The following IQGAP1 variants were observed in gnomAD, a reference collection of about 807,000 sequenced individuals.
IQGAP1 encodes ras GTPase-activating-like protein IQGAP1.
A neutral mutation model predicts 215.6 loss-of-function variants in IQGAP1; 66 were observed. That is an observed-to-expected ratio of 0.31 (90% CI 0.25 to 0.38). The LOEUF (loss-of-function observed/expected upper bound fraction) is 0.38. IQGAP1 is among the 10% of genes least tolerant of loss of function. The probability of loss-of-function intolerance (pLI) is 1.00; values close to 1 mark genes in which losing one functional copy is unlikely to be tolerated. For synonymous variants in IQGAP1, 772 were observed against 728.7 expected, an observed-to-expected ratio of 1.06 and a Z score of -0.96; for missense variants, 1,712 against 1,997.1, an observed-to-expected ratio of 0.86 and a Z score of 2.72.
At chr15:90,499,958 A>T in intron 37 of IQGAP1, 37 bp from the exon 38 acceptor site, 1 of 1,097,404 alleles carries the variant, frequency 9.1e-7, no homozygotes, top group Non-Finnish European at 1.3e-6. Flanking sequence ...TTAACTGTCA[A>T]AATGTTTTGT....
intron 2 of IQGAP1, among the ~76,000 whole-genome samples, chr15:90,414,484 T>C (rs1965015789): frequency 6.6e-6 from 1 of 152,148 alleles, no homozygotes; most frequent in Admixed American, 6.5e-5. Context: ...ACCTTGCTTG[T>C]GTGCCACATT....
intron 23 of IQGAP1, 110 bp downstream of exon 23, chr15:90,474,803 A>G (rs964027204): frequency 1.5e-5 from 12 of 786,364 alleles, no homozygotes; most frequent in Middle Eastern, 7.5e-4. Flanking sequence ...CTCCTCAGCT[A>G]CTGCCATAAG....
chr15:90,392,627 C>G (rs993832117), intron 2 of IQGAP1, among the ~76,000 whole-genome samples: 8 of 152,120 alleles, frequency 5.3e-5, no homozygotes, highest in African/African-American at 9.7e-5. Flanking sequence ...CTCCCCTCCC[C>G]CAAACACTAC....
chr15:90,487,679 G>A (rs1966146184), intron 33 of IQGAP1, 97 bp downstream of exon 33: 1 of 810,400 alleles, frequency 1.2e-6, no homozygotes, highest in Non-Finnish European at 2.0e-6. Context: ...ATAACAGTTG[G>A]TAGCCTAGGG....
intron 14 of IQGAP1, 51 bp from the exon 15 acceptor site, chr15:90,456,101 T>G (rs1301339435): frequency 6.7e-7 from 1 of 1,501,410 alleles, no homozygotes; most frequent in African/African-American, 1.4e-5. Flanking sequence ...TTGATTTGTT[T>G]ATGTACTTCC....
Position 90,486,095 on chromosome 15 carries a change from C to G in IQGAP1, c.3987C>G (p.Asp1329Glu). Residue 1329 changes from aspartate to glutamate, a missense_variant, in exon 31 of 38, where the codon GAC becomes GAG. By Grantham distance (45) the Asp-to-Glu change is conservative. This residue lies in a region of IQGAP1 where 691 missense variants were observed against 923.0 expected (regional missense o/e 0.75). Coordinates refer to ENST00000268182, the MANE Select transcript of IQGAP1 (RefSeq NM_003870.4). Reference sequence around the variant, plus strand: ...ATGATCCAATCCACGAACTGCTGGACGACCTCGGCGAGGTGCCCACCATCG... The same window carrying G: ...ATGATCCAATCCACGAACTGCTGGAGGACCTCGGCGAGGTGCCCACCATCG... Reference protein sequence around the residue: ...EHNDPIHELLDDLGEVPTIES... With the variant: ...EHNDPIHELLEDLGEVPTIES... The G allele has an allele frequency of 6.2e-7, 1 of 1,613,832 alleles. No homozygotes were observed. Among genetic ancestry groups the G allele is most frequent in the Non-Finnish European group, 8.5e-7 (1 of 1,179,918 alleles).
chr15:90,441,381 T>C (rs931669947), intron 7 of IQGAP1, 125 bp from the exon 8 acceptor site: 1 of 801,214 alleles, frequency 1.2e-6, no homozygotes, highest in African/African-American at 1.7e-5. Context: ...AGTTGTTATT[T>C]CTCTGTGAAA....
Position 90,497,235 on chromosome 15 carries a change from TAA to T in IQGAP1, c.4759_4760del (p.Asn1587CysfsTer4). 6.4e-7 allele frequency: 1 copy of T among 1,554,708 alleles called. No homozygotes were observed. The highest frequency in any genetic ancestry group is 8.9e-7 in the Non-Finnish European group (1 of 1,127,644). On this transcript the variant is annotated frameshift_variant, in exon 37 of 38. Transcript: ENST00000268182. LOFTEE classifies it high-confidence loss of function. The part of the protein sequence containing the change: ...EIEDLQVNQF[K>X]NVIFEISPTE... ...TTACGATGTTATCTTTCAACAGGTT[TAA>T]AAATGTTATATTTGAAATCAGTCCA...
intron 18 of IQGAP1, among the ~76,000 whole-genome samples, chr15:90,469,517 C>T (rs1300749395): frequency 1.3e-5 from 2 of 152,134 alleles, no homozygotes; most frequent in Non-Finnish European, 2.9e-5. Context: ...AATTTAAATT[C>T]ATTGAACTCT....
intron 24 of IQGAP1, 53 bp from the exon 25 acceptor site, chr15:90,477,014 C>G: frequency 1.3e-6 from 2 of 1,528,556 alleles, no homozygotes; most frequent in South Asian, 2.3e-5. Flanking sequence ...TTGAATATAT[C>G]TTGCCAGCCT....
chr15:90,412,665 T>G (rs765501729), intron 2 of IQGAP1, among the ~76,000 whole-genome samples: 18 of 152,164 alleles, frequency 1.2e-4, no homozygotes, highest in Non-Finnish European at 2.2e-4. Context: ...ATATGGAAAT[T>G]TCTAGGCTGT....
intron 2 of IQGAP1, chr15:90,397,889 T>TTTTTTTTCTTTTTTTTC (rs538168575): frequency 1.6e-5 from 2 of 126,946 alleles, no homozygotes; most frequent in African/African-American, 6.3e-5. Flanking sequence ...TTTTTTTTTC[T>TTTTTTTTCTTTTTTTTC]TTTTTTTTTT....
At chr15:90,466,703 A>G (rs1478696000) in intron 17 of IQGAP1, among the ~76,000 whole-genome samples, 1 of 151,630 alleles carries the variant, frequency 6.6e-6, no homozygotes, top group Non-Finnish European at 1.5e-5. Context: ...GAGTAGCAGT[A>G]GCTCTGATTA....
chr15:90,459,633 C>T (rs1965733922), intron 15 of IQGAP1, among the ~76,000 whole-genome samples: 1 of 152,148 alleles, frequency 6.6e-6, no homozygotes, highest in Admixed American at 6.5e-5. Context: ...CTTAACATTG[C>T]CAGGCCCAGC....
intron 9 of IQGAP1, among the ~76,000 whole-genome samples, chr15:90,445,429 T>C (rs1198389549): frequency 6.6e-6 from 1 of 152,204 alleles, no homozygotes; most frequent in African/African-American, 2.4e-5. Flanking sequence ...CTTCAGTGCC[T>C]GTCACAGTTC....
rs777236214 is a variant in IQGAP1 at position 90,491,412 on chromosome 15, C to T, written c.4328C>T (p.Ser1443Phe). 6.2e-7 allele frequency: 1 copy of T among 1,614,020 alleles called. No homozygotes were observed. Among genetic ancestry groups the T allele is most frequent in the East Asian group, 2.2e-5 (1 of 44,888 alleles). The change falls in exon 34 of 38, where the codon TCT (serine) becomes TTT (phenylalanine). Residue 1443 changes from serine to phenylalanine, a missense_variant. By Grantham distance (155) the Ser-to-Phe change is radical. This residue lies in a region of IQGAP1 where 691 missense variants were observed against 923.0 expected (regional missense o/e 0.75). Coordinates refer to ENST00000268182, the MANE Select transcript of IQGAP1 (RefSeq NM_003870.4). ...KTPDKMKKSKSVKEDSNLTLQ... is the reference protein window; with the variant it reads ...KTPDKMKKSKFVKEDSNLTLQ... ...CCTGACAAGATGAAAAAGTCAAAATCTGTAAAGGAAGACAGCAACCTCACT... is the reference window on the plus strand; with the variant it reads ...CCTGACAAGATGAAAAAGTCAAAATTTGTAAAGGAAGACAGCAACCTCACT...
chr15:90,481,269 CTTTTTTTT>C (rs57452745), intron 26 of IQGAP1, among the ~76,000 whole-genome samples: 10,820 of 113,204 alleles, frequency 0.096, 1,327 homozygotes, highest in African/African-American at 0.3. Context: ...CTCTCTGCCT[CTTTTTTTT>C]TTTTTTTTTT....
chr15:90,491,111 GTTGTGTGATT>G (rs753981060), intron 33 of IQGAP1, among the ~76,000 whole-genome samples: 15 of 152,160 alleles, frequency 9.9e-5, no homozygotes, highest in Non-Finnish European at 2.1e-4. Context: ...GCCTAGCCCA[GTTGTGTGATT>G]TTGTAGATAT....
intron 15 of IQGAP1, among the ~76,000 whole-genome samples, chr15:90,458,772 A>C (rs1045954621): frequency 6.6e-6 from 1 of 152,198 alleles, no homozygotes; most frequent in Non-Finnish European, 1.5e-5. Context: ...TTTCCTGGCT[A>C]TGAAATAGCA....
Sources: allele counts gnomAD v4.1 joint callset (sites outside exome capture counted in the v4.1 genomes callset), GRCh38; gene constraint gnomAD v4.1.1; regional missense constraint gnomAD v4.1.1; transcripts MANE v1.5; gene names NCBI Gene and HGNC (gene_info 2026-07-23, HGNC 2026-07-21).